IL1RAPL1: variants seen among roughly 807,000 people sequenced by gnomAD.
IL1RAPL1 encodes interleukin-1 receptor accessory protein-like 1.
A neutral mutation model predicts 48.4 loss-of-function variants in IL1RAPL1; 3 were observed. That is an observed-to-expected ratio of 0.06 (90% CI 0.03 to 0.16). The LOEUF (loss-of-function observed/expected upper bound fraction) is 0.16. IL1RAPL1 is among the 10% of genes least tolerant of loss of function. The pLI is 1.00. For missense variants in IL1RAPL1, 349 were observed against 530.6 expected, an observed-to-expected ratio of 0.66 and a Z score of 3.36; for synonymous variants, 185 against 187.7, an observed-to-expected ratio of 0.99 and a Z score of 0.12.
At position 29,879,399 on chromosome X, in the gene IL1RAPL1, A is replaced by G. The variant is rs868625069; in HGVS notation, c.779-38065A>G. Among the ~76,000 whole-genome samples the G allele has an allele frequency of 5.5e-3, 513 of 92,612 alleles. 4 individuals carry two copies. Among genetic ancestry groups the G allele is most frequent in the East Asian group, 0.021 (68 of 3,275 alleles). 80.4% of individuals were successfully genotyped at this position (92,612 alleles called of 115,157 possible). A position where few individuals can be genotyped will look rare whatever the true frequency, so the allele number is the denominator to read the frequency against. Reference sequence around the variant, plus strand: ...TGTGTGTGTGTGTGTGTGTGTGTATATATATATATATAATATTTGTGTACA... The same window carrying G: ...TGTGTGTGTGTGTGTGTGTGTGTATGTATATATATATAATATTTGTGTACA... On this transcript the variant is annotated intron_variant, in intron 6 of 10. Transcript: ENST00000378993.
At chrX:29,730,507 A>G (rs970136478) in intron 6 of IL1RAPL1, among the ~76,000 whole-genome samples, 4 of 112,416 alleles carry the variant, frequency 3.6e-5, no homozygotes, top group African/African-American at 1.3e-4. Flanking sequence ...AATAAGTATC[A>G]TTACCTAGAA....
intron 6 of IL1RAPL1, among the ~76,000 whole-genome samples, chrX:29,817,647 T>C (rs1202362985): frequency 1.8e-5 from 2 of 111,963 alleles, no homozygotes; most frequent in African/African-American, 6.5e-5. Context: ...AAAGGTCTCA[T>C]ACAATTCATT....
intron 5 of IL1RAPL1, among the ~76,000 whole-genome samples, chrX:29,524,937 C>T (rs1385834214): frequency 8.9e-6 from 1 of 112,202 alleles, no homozygotes; most frequent in African/African-American, 3.2e-5. Context: ...AACCCAGAAA[C>T]ATAGAGCACT....
At chrX:28,807,758 G>T (rs1213272506) in intron 2 of IL1RAPL1, among the ~76,000 whole-genome samples, 1 of 111,147 alleles carries the variant, frequency 9.0e-6, no homozygotes, top group Non-Finnish European at 1.9e-5. Context: ...TCCTACATTT[G>T]ATTTTTAGTT....
intron 5 of IL1RAPL1, among the ~76,000 whole-genome samples, chrX:29,434,057 G>T (rs957459186): frequency 1.9e-4 from 21 of 108,995 alleles, no homozygotes; most frequent in Admixed American, 4.9e-4. Context: ...GAAAATATTT[G>T]TATATAAAAT....
At chrX:29,487,392 GA>G (rs1935108085) in intron 5 of IL1RAPL1, among the ~76,000 whole-genome samples, 1 of 111,747 alleles carries the variant, frequency 8.9e-6, no homozygotes, top group African/African-American at 3.3e-5. Flanking sequence ...ACTGGCCTGT[GA>G]GTGTGCTGTT....
intron 2 of IL1RAPL1, among the ~76,000 whole-genome samples, chrX:28,829,154 A>C (rs1038191700): frequency 6.3e-5 from 7 of 111,467 alleles, no homozygotes; most frequent in Admixed American, 9.5e-5. Flanking sequence ...GCTCATTGTA[A>C]GTGTATGGAA....
chrX:29,606,965 A>G (rs745890906), intron 5 of IL1RAPL1, among the ~76,000 whole-genome samples: 87 of 111,963 alleles, frequency 7.8e-4, no homozygotes, highest in Non-Finnish European at 1.1e-3. Flanking sequence ...TTTTTAATGA[A>G]TGAAATATGT....
chrX:28,937,608 A>G (rs925079485), intron 2 of IL1RAPL1, among the ~76,000 whole-genome samples: 1 of 111,413 alleles, frequency 9.0e-6, no homozygotes. Flanking sequence ...CATGGTTACT[A>G]TCATCACTCA....
At chrX:28,721,159 G>A (rs1381364582) in intron 1 of IL1RAPL1, among the ~76,000 whole-genome samples, 3 of 111,514 alleles carry the variant, frequency 2.7e-5, no homozygotes, top group Non-Finnish European at 5.7e-5. Context: ...AGATCCTTGA[G>A]GAATCACCAC....
In IL1RAPL1 at chrX:29,948,885, GACA is replaced by G. The variant is rs1277824339; in HGVS notation, c.1202-5634_1202-5632del. On this transcript the variant is annotated intron_variant, in intron 9 of 10. Coordinates refer to ENST00000378993, the MANE Select transcript of IL1RAPL1 (RefSeq NM_014271.4). ...GAATGGCCAGCTGCCAAAAACATTTGACAACTATTCAGTAAGTGTTTAGAGGTT... is the reference window on the plus strand; with the variant it reads ...GAATGGCCAGCTGCCAAAAACATTTGACTATTCAGTAAGTGTTTAGAGGTT... Among the ~76,000 whole-genome samples, 5 of 107,469 alleles carry G rather than the reference GACA, an allele frequency of 4.7e-5. 1 individual carries two copies. Among genetic ancestry groups the G allele is most frequent in the Non-Finnish European group, 9.6e-5 (5 of 51,971 alleles). The allele number at this position is 107,469 out of a possible 115,157, so 93.3% of individuals were successfully genotyped here. A position where few individuals can be genotyped will look rare whatever the true frequency, so the allele number is the denominator to read the frequency against.
chrX:28,734,610 T>G (rs1456898561), intron 1 of IL1RAPL1, among the ~76,000 whole-genome samples: 1 of 109,698 alleles, frequency 9.1e-6, no homozygotes, highest in African/African-American at 3.3e-5. Flanking sequence ...CTCTAACTCC[T>G]GACTGTCACC....
At chrX:29,150,940 A>G (rs1404305365) in intron 2 of IL1RAPL1, among the ~76,000 whole-genome samples, 6 of 109,380 alleles carry the variant, frequency 5.5e-5, no homozygotes, top group African/African-American at 2.0e-4. Flanking sequence ...AAAAAAAGAA[A>G]AAAAAAGAAA....
chrX:29,825,962 A>G (rs1431962579), intron 6 of IL1RAPL1, among the ~76,000 whole-genome samples: 1 of 111,109 alleles, frequency 9.0e-6, no homozygotes, highest in African/African-American at 3.3e-5. Flanking sequence ...CTATCATCTC[A>G]TCTAATTCTC....
intron 6 of IL1RAPL1, among the ~76,000 whole-genome samples, chrX:29,885,832 T>C (rs898706052): frequency 1.4e-4 from 16 of 111,151 alleles, no homozygotes; most frequent in Admixed American, 5.8e-4. Flanking sequence ...AAAACGCATA[T>C]GTAATCATTG....
At chrX:29,527,571 C>T (rs894403900) in intron 5 of IL1RAPL1, among the ~76,000 whole-genome samples, 32 of 109,335 alleles carry the variant, frequency 2.9e-4, no homozygotes, top group Admixed American at 9.8e-5. Flanking sequence ...GTGATCTGCC[C>T]GCCTCATCCT....
At chrX:29,064,582 G>GT (rs200020351) in intron 2 of IL1RAPL1, among the ~76,000 whole-genome samples, 12 of 101,557 alleles carry the variant, frequency 1.2e-4, no homozygotes, top group Non-Finnish European at 2.5e-4. Flanking sequence ...TTTTGTTTTT[G>GT]TTTTGTTTTG....
chrX:29,360,769 C>T (rs1933365279), intron 3 of IL1RAPL1, among the ~76,000 whole-genome samples: 1 of 111,811 alleles, frequency 8.9e-6, no homozygotes, highest in Middle Eastern at 4.2e-3. Context: ...TAGACAATAA[C>T]TAGCACATAG....
intron 2 of IL1RAPL1, among the ~76,000 whole-genome samples, chrX:29,016,300 A>G (rs1926239427): frequency 8.9e-6 from 1 of 111,753 alleles, no homozygotes; most frequent in African/African-American, 3.2e-5. Flanking sequence ...GCTAATATAT[A>G]GCTTATAGTT....
Sources: gnomAD v4.1 joint callset for allele counts (sites outside exome capture counted in the v4.1 genomes callset) on GRCh38, gnomAD v4.1.1 for gene constraint, MANE v1.5 for transcripts, NCBI Gene and HGNC (gene_info 2026-07-23, HGNC 2026-07-21) for gene names.